Variants in CDKN3 observed in about 807,000 individuals in gnomAD.
CDKN3 encodes cyclin-dependent kinase inhibitor 3.
A neutral mutation model predicts 36.1 loss-of-function variants in CDKN3; 19 were observed. The ratio of observed to expected loss-of-function variants is 0.53; its 90% CI spans 0.37 to 0.77. The LOEUF is 0.77. CDKN3 is among the 30% of genes least tolerant of loss of function. The pLI, the probability that CDKN3 is intolerant of heterozygous loss-of-function variation, is 0.00. For missense variants in CDKN3, 188 were observed against 248.6 expected (o/e 0.76, Z 1.64); for synonymous variants, 71 against 85.3 (o/e 0.83, Z 0.92).
At chr14:54,413,695 T>C in intron 5 of CDKN3, 1 of 1,534,548 alleles carries the variant, frequency 6.5e-7, no homozygotes, top group Non-Finnish European at 8.7e-7. Flanking sequence ...CTATAGAGCT[T>C]ATCCTTCAGC....
At chr14:54,403,628 G>T (rs1594600626) in intron 3 of CDKN3, among the ~76,000 whole-genome samples, 1 of 152,208 alleles carries the variant, frequency 6.6e-6, no homozygotes, top group African/African-American at 2.4e-5. Flanking sequence ...GGTTTTCAAA[G>T]GGAATGCTTC....
intron 3 of CDKN3, among the ~76,000 whole-genome samples, chr14:54,402,204 CAAAA>C (rs202192816): frequency 1.8e-5 from 2 of 110,590 alleles, no homozygotes. Context: ...GACTCTGTCT[CAAAA>C]AAAAAAAAAA....
intron 6 of CDKN3, 78 bp from the exon 7 acceptor site, chr14:54,417,770 A>G (rs1469584966): frequency 2.8e-6 from 2 of 719,080 alleles, no homozygotes; most frequent in East Asian, 2.9e-5. Flanking sequence ...TATCAACAGA[A>G]GTCTTATTAA....
chr14:54,410,232 C>T (rs564965598), intron 4 of CDKN3, among the ~76,000 whole-genome samples: 3 of 152,236 alleles, frequency 2.0e-5, no homozygotes, highest in East Asian at 1.9e-4. Flanking sequence ...CCTAGAATCT[C>T]CCTGCAGCAG....
At chr14:54,415,509 C>CATGA (rs1248364345) in intron 5 of CDKN3, among the ~76,000 whole-genome samples, 4 of 152,232 alleles carry the variant, frequency 2.6e-5, no homozygotes, top group Non-Finnish European at 5.9e-5. Context: ...CCTTTAGATA[C>CATGA]ATGAATGGTT....
chr14:54,402,303 TGTGTGC>T (rs1264678588), intron 3 of CDKN3, among the ~76,000 whole-genome samples: 18 of 91,616 alleles, frequency 2.0e-4, no homozygotes, highest in African/African-American at 6.9e-4. Flanking sequence ...CCATGGCATG[TGTGTGC>T]GTGTGTGTGT....
chr14:54,411,762 G>A lies in CDKN3; in HGVS notation c.416+56G>A, dbSNP rs765772107. 3 of 1,113,224 alleles carry A rather than the reference G, an allele frequency of 2.7e-6. No individual in the cohort carries two copies. In the South Asian group the frequency reaches 3.8e-5, roughly 14 times the overall value. The allele number at this position is 1,113,224 out of a possible 1,614,324, so 69.0% of individuals were successfully genotyped here. ...AAATGTCTCAGTCAAAATGATTTCT[G>A]GAATTATGGTAGCCCTATTCAGTTA... On this transcript the variant is annotated intron_variant, in intron 5 of 7. Coordinates refer to ENST00000335183, the MANE Select transcript of CDKN3 (RefSeq NM_005192.4).
intron 3 of CDKN3, among the ~76,000 whole-genome samples, chr14:54,404,758 G>A (rs1439289546): frequency 1.3e-5 from 2 of 152,066 alleles, no homozygotes; most frequent in Non-Finnish European, 2.9e-5. Flanking sequence ...TGTATTTTTA[G>A]TAGAGACGGG....
chr14:54,416,798 A>C (rs1178116707), intron 6 of CDKN3, among the ~76,000 whole-genome samples: 3 of 152,146 alleles, frequency 2.0e-5, no homozygotes, highest in African/African-American at 7.2e-5. Flanking sequence ...CTAGATGACA[A>C]AGTGAGATCG....
intron 3 of CDKN3, among the ~76,000 whole-genome samples, chr14:54,407,857 G>A (rs1321308993): frequency 2.0e-5 from 3 of 152,188 alleles, no homozygotes; most frequent in African/African-American, 2.4e-5. Context: ...GGGAGTGAAT[G>A]GTTCTGTCTT....
intron 1 of CDKN3, 57 bp downstream of exon 1, chr14:54,397,134 C>T (rs1038453998): frequency 1.7e-5 from 25 of 1,430,064 alleles, no homozygotes; most frequent in Non-Finnish European, 1.8e-5. Flanking sequence ...CAAGCGGTCC[C>T]GGGGACCCGA....
chr14:54,404,364 G>A (rs1320363780), intron 3 of CDKN3, among the ~76,000 whole-genome samples: 2 of 151,988 alleles, frequency 1.3e-5, no homozygotes, highest in Non-Finnish European at 2.9e-5. Flanking sequence ...TTCTCTGATG[G>A]TAGTTTGTAT....
At chr14:54,401,917 T>C (rs1050254201) in intron 3 of CDKN3, among the ~76,000 whole-genome samples, 2 of 152,132 alleles carry the variant, frequency 1.3e-5, no homozygotes, top group East Asian at 1.9e-4. Context: ...CTTAGAATAA[T>C]AGTCTCCAGT....
chr14:54,397,278 A>C (rs908339445), intron 1 of CDKN3, among the ~76,000 whole-genome samples: 24 of 152,268 alleles, frequency 1.6e-4, no homozygotes, highest in African/African-American at 4.6e-4. Context: ...TGGCCGACGA[A>C]GGAAAGACGG....
At chr14:54,418,542 C>T (rs2030624005) in intron 7 of CDKN3, 2 of 371,718 alleles carry the variant, frequency 5.4e-6, no homozygotes, top group East Asian at 1.1e-4. Context: ...TGAAAAGATT[C>T]TGCAGATGTC....
chr14:54,401,430 A>G, intron 2 of CDKN3, 94 bp from the exon 3 acceptor site: 1 of 734,574 alleles, frequency 1.4e-6, no homozygotes, highest in Non-Finnish European at 2.3e-6. Context: ...ACACAACTTT[A>G]TTTGGTGGCA....
At chr14:54,414,858 A>G (rs578028508) in intron 5 of CDKN3, among the ~76,000 whole-genome samples, 1 of 151,894 alleles carries the variant, frequency 6.6e-6, no homozygotes, top group Non-Finnish European at 1.5e-5. Flanking sequence ...CTCTCCCTTT[A>G]TATGGTAGAT....
At chr14:54,419,859 G>A (rs1360582752) in intron 7 of CDKN3, 133 bp from the exon 8 acceptor site, 1 of 545,462 alleles carries the variant, frequency 1.8e-6, no homozygotes, top group Non-Finnish European at 3.3e-6. Context: ...TGATGCAAAT[G>A]CTTCCTTACC....
chr14:54,399,720 T>C (rs2139964734), intron 1 of CDKN3, among the ~76,000 whole-genome samples, 174 bp from the exon 2 acceptor site: 1 of 152,280 alleles, frequency 6.6e-6, no homozygotes, highest in Middle Eastern at 3.4e-3. Context: ...TAATTATTAA[T>C]AGGAAGGTAA....
Sources: gnomAD v4.1 joint callset for allele counts (sites outside exome capture counted in the v4.1 genomes callset) on GRCh38, gnomAD v4.1.1 for gene constraint, MANE v1.5 for transcripts, NCBI Gene and HGNC (gene_info 2026-07-23, HGNC 2026-07-21) for gene names.